The following RPA3 variants were observed in gnomAD, a reference collection of about 807,000 sequenced individuals.
RPA3 encodes replication protein A3.
In RPA3, 24 loss-of-function variants were observed where a neutral mutation model predicts 13.7. The ratio of observed to expected loss-of-function variants is 1.75; its 90% confidence interval spans 1.27 to 2.46. RPA3 has a LOEUF of 2.46. RPA3 is among the 30% of genes most tolerant of loss of function. The pLI is 0.00. For synonymous variants in RPA3, 59 were observed against 51.2 expected (o/e 1.15, Z -0.65); for missense variants, 183 against 151.0 (o/e 1.21, Z -1.11).
intron 6 of RPA3, 30 bp downstream of exon 6, chr7:7,639,040 T>C (rs373462663): frequency 6.6e-7 from 1 of 1,526,304 alleles, no homozygotes; most frequent in Non-Finnish European, 8.9e-7. Context: ...AACTATAATA[T>C]ATAAGAGACT....
intron 4 of RPA3, among the ~76,000 whole-genome samples, chr7:7,662,535 A>C (rs1458301643): frequency 1.3e-5 from 2 of 152,144 alleles, no homozygotes; most frequent in Non-Finnish European, 2.9e-5. Flanking sequence ...TCCTCACCGC[A>C]CAGTCCCTCA....
intron 4 of RPA3, among the ~76,000 whole-genome samples, chr7:7,646,988 A>G (rs866207363): frequency 7.2e-5 from 11 of 152,222 alleles, no homozygotes; most frequent in Middle Eastern, 6.8e-3. Flanking sequence ...CAGGGACCCC[A>G]CCCTTCTGCC....
chr7:7,644,209 T>C (rs1785042264), intron 4 of RPA3, among the ~76,000 whole-genome samples: 1 of 152,230 alleles, frequency 6.6e-6, no homozygotes, highest in Non-Finnish European at 1.5e-5. Context: ...TTTCAGATTT[T>C]TATTGGTTAT....
At chr7:7,680,224 C>T (rs1779874847) in intron 4 of RPA3, among the ~76,000 whole-genome samples, 3 of 151,946 alleles carry the variant, frequency 2.0e-5, no homozygotes, top group Admixed American at 2.0e-4. Flanking sequence ...TTGTATGTGG[C>T]GAGAGATAGG....
intron 2 of RPA3, among the ~76,000 whole-genome samples, chr7:7,696,788 G>T (rs6944960): frequency 0.32 from 48,542 of 151,826 alleles, 7,924 homozygotes; most frequent in South Asian, 0.37. Flanking sequence ...TATAGGTAGG[G>T]CCCTGTGAAA....
Position 7,640,694 on chromosome 7 carries a change from A to G in RPA3, c.-276T>C. 1 of 441,356 alleles carries G rather than the reference A, an allele frequency of 2.3e-6. No individual in the cohort carries two copies. The allele number at this position is 441,356 out of a possible 1,614,324, so 27.3% of individuals were successfully genotyped here. A position where few individuals can be genotyped will look rare whatever the true frequency, so the allele number is the denominator to read the frequency against. ...CAGGGCGAGAGGCAGTGGAGGCGGG[A>G]CTTGGATAGGGGCGGAACCTGAGAC... On this transcript the variant is annotated 5_prime_UTR_variant, in exon 5 of 8. Transcript: ENST00000223129.
chr7:7,655,700 A>G (rs1290442444), intron 4 of RPA3, among the ~76,000 whole-genome samples: 1 of 152,216 alleles, frequency 6.6e-6, no homozygotes, highest in Non-Finnish European at 1.5e-5. Flanking sequence ...ATGTGACATT[A>G]CATTTAGGGG....
rs1411397399 is a variant in RPA3 at position 7,712,594 on chromosome 7, ATTTTCTAAGTACGTAATTATAACC to A, written c.-1028+2557_-1028+2580del. Among the ~76,000 whole-genome samples the A allele has an allele frequency of 8.5e-5, 13 of 152,150 alleles. No individual in the cohort carries two copies. In the East Asian group the frequency reaches 2.3e-3, roughly 27 times the overall value. Reference sequence around the variant, plus strand: ...ATAATTCATCTTTAGATTCTTTTGAATTTTCTAAGTACGTAATTATAACCTCTGTGAATAGTGAGTTTTGTTTCA... The same window carrying A: ...ATAATTCATCTTTAGATTCTTTTGAATCTGTGAATAGTGAGTTTTGTTTCA... On this transcript the variant is annotated intron_variant, in intron 2 of 7. Coordinates refer to ENST00000223129, the MANE Select transcript of RPA3 (RefSeq NM_002947.5).
chr7:7,651,909 GTCC>G (rs1199434698), intron 4 of RPA3, among the ~76,000 whole-genome samples: 2 of 152,078 alleles, frequency 1.3e-5, no homozygotes, highest in African/African-American at 4.8e-5. Context: ...GTTTTACAGA[GTCC>G]TCCTTGGGCA....
chr7:7,658,569 C>T (rs1238808951), intron 4 of RPA3, among the ~76,000 whole-genome samples: 1 of 152,094 alleles, frequency 6.6e-6, no homozygotes, highest in Non-Finnish European at 1.5e-5. Flanking sequence ...TTGAGATAGT[C>T]ATGTGGTTTT....
At chr7:7,707,417 C>T (rs964469339) in intron 2 of RPA3, among the ~76,000 whole-genome samples, 1 of 152,136 alleles carries the variant, frequency 6.6e-6, no homozygotes, top group African/African-American at 2.4e-5. Context: ...TTTCTAGCAC[C>T]ATCAGCAATG....
intron 6 of RPA3, 68 bp downstream of exon 6, chr7:7,639,002 G>A: frequency 1.6e-6 from 2 of 1,254,574 alleles, no homozygotes; most frequent in African/African-American, 1.5e-5. Flanking sequence ...AGAAACATCG[G>A]CAACAAACCA....
In RPA3 at chr7:7,685,857, A is replaced by G. The variant is rs184331155; in HGVS notation, c.-785T>C. 2 of 152,350 alleles carry G rather than the reference A, an allele frequency of 1.3e-5. No individual in the cohort carries two copies. The highest frequency in any genetic ancestry group is 1.3e-4 in the Admixed American group (2 of 15,306). 9.4% of individuals were successfully genotyped at this position (152,350 alleles called of 1,614,324 possible). A position where few individuals can be genotyped will look rare whatever the true frequency, so the allele number is the denominator to read the frequency against. ...TGGAAGAATAGTATCTCATAAAATA[A>G]GTAAGAAGAATGTGGTAAATTAGTG... On this transcript the variant is annotated 5_prime_UTR_variant, in exon 4 of 8. Transcript: ENST00000223129.
Position 7,640,482 on chromosome 7 carries a change from G to A in RPA3, c.-64C>T, listed in dbSNP as rs926689697. ...GACGACTGAAACTGTGCGCCCCGCG[G>A]GTGTCTATGGGGCAGATTTCTCGGC... On this transcript the variant is annotated 5_prime_UTR_variant, in exon 5 of 8. Coordinates refer to ENST00000223129, the MANE Select transcript of RPA3 (RefSeq NM_002947.5). The A allele has an allele frequency of 6.8e-7, 1 of 1,467,350 alleles. No homozygotes were observed. Among genetic ancestry groups the A allele is most frequent in the Non-Finnish European group, 9.5e-7 (1 of 1,050,916 alleles). 90.9% of individuals were successfully genotyped at this position (1,467,350 alleles called of 1,614,324 possible).
At chr7:7,650,484 C>CTTACA (rs1262134872) in intron 4 of RPA3, among the ~76,000 whole-genome samples, 61 of 152,134 alleles carry the variant, frequency 4.0e-4, no homozygotes, top group Non-Finnish European at 6.6e-4. Context: ...TGTGATTTTG[C>CTTACA]TGTAGGCTTA....
At chr7:7,681,239 C>A (rs1391507284) in intron 4 of RPA3, among the ~76,000 whole-genome samples, 1 of 151,972 alleles carries the variant, frequency 6.6e-6, no homozygotes, top group African/African-American at 2.4e-5. Flanking sequence ...CTATTTTTTT[C>A]CACTTGAGAA....
intron 2 of RPA3, among the ~76,000 whole-genome samples, chr7:7,711,177 T>G (rs1563144593): frequency 6.6e-6 from 1 of 152,184 alleles, no homozygotes; most frequent in Admixed American, 6.5e-5. Flanking sequence ...TTGCAAGATG[T>G]TGCCATTGTG....
chr7:7,716,587 G>A (rs1475949618), intron 1 of RPA3, among the ~76,000 whole-genome samples: 2 of 152,230 alleles, frequency 1.3e-5, no homozygotes, highest in Admixed American at 6.5e-5. Flanking sequence ...CACGTGCACA[G>A]TAAAGAGGCA....
chr7:7,649,311 G>A (rs1785169338), intron 4 of RPA3, among the ~76,000 whole-genome samples: 1 of 152,142 alleles, frequency 6.6e-6, no homozygotes, highest in Non-Finnish European at 1.5e-5. Context: ...GACCATGAGA[G>A]AAATGTAAGG....
Sources: gnomAD v4.1 joint callset for allele counts (sites outside exome capture counted in the v4.1 genomes callset) on GRCh38, gnomAD v4.1.1 for gene constraint, MANE v1.5 for transcripts, NCBI Gene and HGNC (gene_info 2026-07-23, HGNC 2026-07-21) for gene names.